The following VAV2 variants were observed in gnomAD, a reference collection of about 807,000 sequenced individuals.
VAV2 encodes the protein vav guanine nucleotide exchange factor 2.
In VAV2, 67 loss-of-function variants were observed where a neutral mutation model predicts 132.5. The observed-to-expected ratio is 0.51, with a 90% CI of 0.42 to 0.62. The LOEUF (loss-of-function observed/expected upper bound fraction) is 0.62, where lower values mean the gene tolerates loss of function less well. VAV2 is among the 20% of genes least tolerant of loss of function. VAV2 has a pLI of 0.00. For synonymous variants in VAV2, 492 were observed against 443.5 expected (o/e 1.11, Z -1.37); for missense variants, 938 against 1,153.6 (o/e 0.81, Z 2.71).
intron 1 of VAV2, among the ~76,000 whole-genome samples, chr9:133,989,370 A>C (rs1452431043): frequency 2.7e-5 from 4 of 149,708 alleles, no homozygotes; most frequent in African/African-American, 9.9e-5. Context: ...AATACAAAAA[A>C]TTAGCCGGGC....
intron 2 of VAV2, among the ~76,000 whole-genome samples, chr9:133,895,832 C>G (rs7850025): frequency 1.3e-5 from 2 of 152,094 alleles, no homozygotes; most frequent in African/African-American, 4.8e-5. Context: ...TTAAAAAGAG[C>G]AAGAACATCA....
chr9:133,910,024 C>T (rs1839822021), intron 2 of VAV2, among the ~76,000 whole-genome samples: 1 of 152,122 alleles, frequency 6.6e-6, no homozygotes, highest in South Asian at 2.1e-4. Flanking sequence ...TATGCCAGGC[C>T]ATGTGACTAG....
At chr9:133,911,353 C>G (rs571386485) in intron 2 of VAV2, among the ~76,000 whole-genome samples, 3 of 152,194 alleles carry the variant, frequency 2.0e-5, no homozygotes, top group Non-Finnish European at 4.4e-5. Context: ...ACACAGCCTG[C>G]ACACGTGAAA....
At chr9:133,944,698 G>C (rs552855386) in intron 1 of VAV2, among the ~76,000 whole-genome samples, 3 of 152,356 alleles carry the variant, frequency 2.0e-5, no homozygotes, top group Admixed American at 2.0e-4. Context: ...CCCGCCTAAG[G>C]GGATGCAAGA....
chr9:133,900,014 C>T (rs1839374732), intron 2 of VAV2, among the ~76,000 whole-genome samples: 1 of 145,834 alleles, frequency 6.9e-6, no homozygotes, highest in Admixed American at 6.8e-5. Flanking sequence ...GAGCAAGACT[C>T]CATCTCAAAA....
At position 133,885,879 on chromosome 9, in the gene VAV2, C is replaced by T. The variant is rs1191820160; in HGVS notation, c.322-24447G>A. Among the ~76,000 whole-genome samples, 2 of 152,240 alleles carry T rather than the reference C, an allele frequency of 1.3e-5. No individual in the cohort carries two copies. Among genetic ancestry groups the T allele is most frequent in the African/African-American group, 4.8e-5 (2 of 41,472 alleles). ...GGACGGCCCATTGGTGACAACCAAA[C>T]TCAGGTGTTCCTGAGTGTTCCTGAG... On this transcript the variant is annotated intron_variant, in intron 2 of 29. Transcript: ENST00000371850. This position sits in a 1 kb window ranked among gnomAD's most constrained non-coding sequence, Gnocchi z 5.0.
chr9:133,792,387 C>G (rs1834522848), intron 12 of VAV2, among the ~76,000 whole-genome samples: 1 of 137,868 alleles, frequency 7.3e-6, no homozygotes, highest in Non-Finnish European at 1.5e-5. Flanking sequence ...GCGGGCTGTG[C>G]TGTGGTGTGT....
In VAV2 at chr9:133,775,098, G is replaced by C. The variant is rs377376282; in HGVS notation, c.2019-47C>G. On this transcript the variant is annotated intron_variant, in intron 24 of 29. Coordinates refer to ENST00000371850, the MANE Select transcript of VAV2 (RefSeq NM_001134398.2). Reference sequence around the variant, plus strand: ...AAACGAGAGCCGCAGTGAGGACAGTGTCTGAGGGGTGCCCAGCCCTCCGTG... The same window carrying C: ...AAACGAGAGCCGCAGTGAGGACAGTCTCTGAGGGGTGCCCAGCCCTCCGTG... The C allele has an allele frequency of 3.0e-5, 46 of 1,521,370 alleles. No individual in the cohort carries two copies. In the Middle Eastern group the frequency reaches 5.3e-4, roughly 18 times the overall value. 94.2% of individuals were successfully genotyped at this position (1,521,370 alleles called of 1,614,324 possible). A position where few individuals can be genotyped will look rare whatever the true frequency, so the allele number is the denominator to read the frequency against.
At chr9:133,924,916 C>A (rs1840420365) in intron 2 of VAV2, among the ~76,000 whole-genome samples, 1 of 152,252 alleles carries the variant, frequency 6.6e-6, no homozygotes, top group Non-Finnish European at 1.5e-5. Flanking sequence ...GCGGCTTCCA[C>A]AGCGCAGGTG....
chr9:133,768,710 AC>A lies in VAV2; in HGVS notation c.2435-115del. On this transcript the variant is annotated intron_variant, in intron 28 of 29. Coordinates refer to ENST00000371850, the MANE Select transcript of VAV2 (RefSeq NM_001134398.2). This position sits in a 1 kb window ranked among gnomAD's most constrained non-coding sequence, Gnocchi z 5.3. ...CCTGGTGCCCAGAACCCTGCTCTGT[AC>A]CCAGAGAGGAAGGATGTCAAGCAGA... is the stretch of plus-strand genomic sequence containing the variant. The A allele has an allele frequency of 1.5e-6, 2 of 1,316,566 alleles. No homozygotes were observed. Among genetic ancestry groups the A allele is most frequent in the South Asian group, 3.0e-5 (2 of 67,150 alleles). 81.6% of individuals were successfully genotyped at this position (1,316,566 alleles called of 1,614,324 possible).
chr9:133,985,344 C>A (rs1185393489), intron 1 of VAV2, among the ~76,000 whole-genome samples: 1 of 151,998 alleles, frequency 6.6e-6, no homozygotes, highest in Non-Finnish European at 1.5e-5. Context: ...TGCAGTGGCA[C>A]AATCTCCGCT....
chr9:133,930,534 C>T (rs1051325473), intron 2 of VAV2, among the ~76,000 whole-genome samples: 8 of 152,268 alleles, frequency 5.3e-5, no homozygotes, highest in South Asian at 4.1e-4. Flanking sequence ...AACTGTGCTG[C>T]GTGCAACAGC....
intron 1 of VAV2, among the ~76,000 whole-genome samples, chr9:133,941,225 T>C (rs945151418): frequency 6.6e-6 from 1 of 152,056 alleles, no homozygotes. Context: ...CTGGCCAACA[T>C]GGTAAAACCC....
Position 133,928,190 on chromosome 9 carries a change from C to CAT in VAV2, c.321+10912_321+10913insAT, listed in dbSNP as rs1564472542. On this transcript the variant is annotated intron_variant, in intron 2 of 29. Transcript: ENST00000371850. The surrounding 1 kb of genome is among the most constrained non-coding windows in gnomAD (Gnocchi z 5.4). Reference sequence around the variant, plus strand: ...GACTCCGTGTGTGTGTGTGTGTGTGCGTGCATGTGTGTATGTCTGTGTGTG... The same window carrying CAT: ...GACTCCGTGTGTGTGTGTGTGTGTGCATGTGCATGTGTGTATGTCTGTGTGTG... Among the ~76,000 whole-genome samples the CAT allele has an allele frequency of 1.7e-3, 9 of 5,310 alleles. No homozygotes were observed. In the Non-Finnish European group the frequency reaches 0.047, roughly 28 times the overall value. 3.5% of individuals were successfully genotyped at this position (5,310 alleles called of 152,430 possible).
At chr9:133,875,703 C>G (rs921136372) in intron 2 of VAV2, among the ~76,000 whole-genome samples, 7 of 152,200 alleles carry the variant, frequency 4.6e-5, no homozygotes, top group Admixed American at 4.6e-4. Context: ...GCGAGGCCCC[C>G]GCTCCAGTCC....
intron 3 of VAV2, among the ~76,000 whole-genome samples, chr9:133,849,034 C>A (rs534428284): frequency 1.1e-4 from 16 of 152,328 alleles, no homozygotes; most frequent in African/African-American, 3.8e-4. Flanking sequence ...ATAATGTTAC[C>A]CAGCTGCGCA....
chr9:133,905,433 CAAA>C (rs5901029), intron 2 of VAV2, among the ~76,000 whole-genome samples: 17 of 113,282 alleles, frequency 1.5e-4, no homozygotes, highest in South Asian at 3.1e-4. Flanking sequence ...GAAACTGTCT[CAAA>C]AAAAAAAAAA....
intron 3 of VAV2, among the ~76,000 whole-genome samples, chr9:133,845,874 G>A (rs1461647106): frequency 2.0e-5 from 3 of 152,192 alleles, no homozygotes; most frequent in Admixed American, 6.5e-5. Flanking sequence ...CTCCATTGTG[G>A]CATCAATTGA....
At chr9:133,945,625 G>A (rs865860593) in intron 1 of VAV2, among the ~76,000 whole-genome samples, 1 of 152,228 alleles carries the variant, frequency 6.6e-6, no homozygotes, top group Non-Finnish European at 1.5e-5. Context: ...CAGGGGCCCG[G>A]GTGTCCTCAG....
Sources: gnomAD v4.1 joint callset for allele counts (sites outside exome capture counted in the v4.1 genomes callset) on GRCh38, gnomAD v4.1.1 for gene constraint, Gnocchi (gnomAD v3.1) non-coding constraint, MANE v1.5 for transcripts, NCBI Gene and HGNC (gene_info 2026-07-23, HGNC 2026-07-21) for gene names.